NEGR1: variants seen among roughly 807,000 people sequenced by gnomAD.
NEGR1 encodes neuronal growth regulator 1.
Under a neutral mutation model 40.9 loss-of-function variants are expected in NEGR1, and 10 were observed. That is an observed-to-expected ratio of 0.24 (90% CI 0.15 to 0.42). The LOEUF is 0.42. Among genes scored for constraint, NEGR1 ranks in the 10% least tolerant of loss-of-function variants. The pLI is 1.00. For missense variants in NEGR1, 352 were observed against 438.9 expected, an observed-to-expected ratio of 0.80 and a Z score of 1.77; for synonymous variants, 185 against 166.8, an observed-to-expected ratio of 1.11 and a Z score of -0.84.
chr1:72,271,939 C>T (rs944653655), intron 1 of NEGR1, among the ~76,000 whole-genome samples: 2 of 151,768 alleles, frequency 1.3e-5, no homozygotes, highest in Non-Finnish European at 2.9e-5. Flanking sequence ...CTTTTTGCCT[C>T]CTGCCATGAT....
intron 3 of NEGR1, among the ~76,000 whole-genome samples, chr1:71,767,957 T>G (rs1360038959): frequency 6.6e-6 from 1 of 152,184 alleles, no homozygotes; most frequent in African/African-American, 2.4e-5. Flanking sequence ...GTTAAGCCTG[T>G]GGGTGCACAG....
chr1:71,953,556 G>A (rs1369426522), intron 1 of NEGR1, among the ~76,000 whole-genome samples: 3 of 151,952 alleles, frequency 2.0e-5, no homozygotes, highest in African/African-American at 7.2e-5. Context: ...ATTTGAGAGG[G>A]CTGACTCCAA....
At chr1:72,186,557 G>A (rs1652619373) in intron 1 of NEGR1, among the ~76,000 whole-genome samples, 1 of 151,492 alleles carries the variant, frequency 6.6e-6, no homozygotes, top group Non-Finnish European at 1.5e-5. Flanking sequence ...ATATAAAACA[G>A]AAAAGCTGAC....
chr1:72,277,517 A>C (rs1656098031), intron 1 of NEGR1, among the ~76,000 whole-genome samples: 1 of 145,508 alleles, frequency 6.9e-6, no homozygotes, highest in Admixed American at 6.6e-5. Context: ...AGAAAATTAA[A>C]AACATTATAC....
intron 4 of NEGR1, among the ~76,000 whole-genome samples, chr1:71,688,434 G>GATATATATAAAAGATATATATATAAA (rs1653134147): frequency 6.8e-5 from 1 of 14,644 alleles, no homozygotes; most frequent in Admixed American, 6.6e-4. Context: ...ATATATAAAA[G>GATATATATAAAAGATATATATATAAA]ATATATATAT....
intron 1 of NEGR1, among the ~76,000 whole-genome samples, chr1:72,261,196 T>C (rs1406223753): frequency 6.6e-6 from 1 of 152,094 alleles, no homozygotes; most frequent in Non-Finnish European, 1.5e-5. Context: ...GATGAGACCA[T>C]AAAAATGTAT....
At chr1:71,884,105 G>A (rs893030987) in intron 2 of NEGR1, among the ~76,000 whole-genome samples, 2 of 151,990 alleles carry the variant, frequency 1.3e-5, no homozygotes, top group African/African-American at 4.8e-5. Flanking sequence ...TCTCCAGGGT[G>A]CCCTTTAAAG....
intron 1 of NEGR1, among the ~76,000 whole-genome samples, chr1:72,211,106 T>C (rs1165320633): frequency 1.3e-5 from 2 of 151,886 alleles, no homozygotes; most frequent in Non-Finnish European, 2.9e-5. Flanking sequence ...GCTATTGACA[T>C]GCTCATCCTC....
At chr1:72,051,399 C>T (rs6657634) in intron 1 of NEGR1, among the ~76,000 whole-genome samples, 67,337 of 151,090 alleles carry the variant, frequency 0.45, 15,462 homozygotes, top group Admixed American at 0.5. Flanking sequence ...TCTTTTGGCA[C>T]GATCATCGTG....
At chr1:72,227,744 T>G (rs1654238521) in intron 1 of NEGR1, among the ~76,000 whole-genome samples, 1 of 151,792 alleles carries the variant, frequency 6.6e-6, no homozygotes, top group African/African-American at 2.4e-5. Flanking sequence ...TGCAAAGGAG[T>G]CAAGATGACC....
intron 1 of NEGR1, among the ~76,000 whole-genome samples, chr1:72,247,494 T>A (rs960238229): frequency 6.6e-6 from 1 of 152,144 alleles, no homozygotes; most frequent in African/African-American, 2.4e-5. Flanking sequence ...CCTTCAAACA[T>A]CCACAGATCT....
At chr1:72,221,858 T>C (rs1295889096) in intron 1 of NEGR1, among the ~76,000 whole-genome samples, 1 of 152,096 alleles carries the variant, frequency 6.6e-6, no homozygotes, top group Admixed American at 6.6e-5. Context: ...TTTCTCCCAC[T>C]TAGAGGTAGG....
At chr1:71,509,174 T>A (rs775270921) in intron 6 of NEGR1, among the ~76,000 whole-genome samples, 4 of 152,218 alleles carry the variant, frequency 2.6e-5, no homozygotes, top group Non-Finnish European at 5.9e-5. Context: ...TGCTGTGAGA[T>A]GACCTCAGCC....
Position 71,402,900 on chromosome 1 carries a change from T to C in NEGR1, c.*4546A>G, listed in dbSNP as rs1056327508. ...TTTCTGTGATGTAATTTATGCAAGA[T>C]AGATAAGATAGATGTTGAAAAGGGA... On this transcript the variant is annotated 3_prime_UTR_variant, in exon 7 of 7. Coordinates refer to ENST00000357731, the MANE Select transcript of NEGR1 (RefSeq NM_173808.3). The C allele has an allele frequency of 6.6e-6, 1 of 152,078 alleles. No homozygotes were observed. Among genetic ancestry groups the C allele is most frequent in the African/African-American group, 2.4e-5 (1 of 41,434 alleles). 9.4% of individuals were successfully genotyped at this position (152,078 alleles called of 1,614,324 possible). A position where few individuals can be genotyped will look rare whatever the true frequency, so the allele number is the denominator to read the frequency against.
In NEGR1 at chr1:72,113,528, GTA is replaced by G. The variant is rs1262528751; in HGVS notation, c.176+168789_176+168790del. ...TATGTTTAGAAATATGTGTTTGTGT[GTA>G]TGTGTGTGTGTGTGTTTAGAAAAGG... On this transcript the variant is annotated intron_variant, in intron 1 of 6. Transcript: ENST00000357731. Among the ~76,000 whole-genome samples, 15 of 151,684 alleles carry G rather than the reference GTA, an allele frequency of 9.9e-5. No individual in the cohort carries two copies. In the East Asian group the frequency reaches 2.3e-3, roughly 23 times the overall value.
At chr1:71,945,856 A>G (rs1037802429) in intron 1 of NEGR1, among the ~76,000 whole-genome samples, 2 of 152,174 alleles carry the variant, frequency 1.3e-5, no homozygotes, top group African/African-American at 2.4e-5. Context: ...GAGGCTGTGC[A>G]TGGGAGATAG....
intron 1 of NEGR1, among the ~76,000 whole-genome samples, chr1:72,269,105 A>G (rs1257467256): frequency 1.3e-5 from 2 of 151,672 alleles, no homozygotes; most frequent in East Asian, 3.9e-4. Flanking sequence ...GCTATAAACT[A>G]TATAAACTAC....
At chr1:72,003,532 G>C (rs1403154181) in intron 1 of NEGR1, among the ~76,000 whole-genome samples, 2 of 151,990 alleles carry the variant, frequency 1.3e-5, no homozygotes, top group Non-Finnish European at 2.9e-5. Context: ...GATACTTTTA[G>C]GTAGAAAGAA....
In NEGR1 at chr1:72,104,756, AAAC is replaced by A. The variant is rs367686372; in HGVS notation, c.177-169448_177-169446del. Among the ~76,000 whole-genome samples, 867 of 152,238 alleles carry A rather than the reference AAAC, an allele frequency of 5.7e-3. 5 individuals are homozygous for A. The highest frequency in any genetic ancestry group is 0.02 in the African/African-American group (826 of 41,552). On this transcript the variant is annotated intron_variant, in intron 1 of 6. Coordinates refer to ENST00000357731, the MANE Select transcript of NEGR1 (RefSeq NM_173808.3). ...TTAAATTGTCCGATTTAGTTTTATA[AAAC>A]AACAATACTTTTTTGCCTTTGTATC...
Sources: gnomAD v4.1 joint callset for allele counts (sites outside exome capture counted in the v4.1 genomes callset) on GRCh38, gnomAD v4.1.1 for gene constraint, MANE v1.5 for transcripts, NCBI Gene and HGNC (gene_info 2026-07-23, HGNC 2026-07-21) for gene names.